The following OSBP2 variants were observed in gnomAD, a reference collection of about 807,000 sequenced individuals.
The protein encoded by OSBP2 is oxysterol-binding protein 2.
In OSBP2, 66 loss-of-function variants were observed where a neutral mutation model predicts 96.0. That is an observed-to-expected ratio of 0.69 (90% CI 0.56 to 0.84). OSBP2 has a LOEUF of 0.84. Ranked by LOEUF, OSBP2 falls within the 40% of genes least tolerant of loss-of-function variation. OSBP2 has a pLI of 0.00. For missense variants in OSBP2, 1,038 were observed against 1,222.7 expected (o/e 0.85, Z 2.25); for synonymous variants, 525 against 520.9 (o/e 1.01, Z -0.11).
At chr22:30,872,728 CG>C (rs1211278000) in intron 3 of OSBP2, among the ~76,000 whole-genome samples, 31 of 152,202 alleles carry the variant, frequency 2.0e-4, no homozygotes, top group Non-Finnish European at 1.5e-5. Flanking sequence ...AGTGCTGCCC[CG>C]ACAGACTGTG....
At chr22:30,839,144 C>T (rs1284287033) in intron 2 of OSBP2, among the ~76,000 whole-genome samples, 1 of 144,984 alleles carries the variant, frequency 6.9e-6, no homozygotes, top group Non-Finnish European at 1.5e-5. Context: ...TGATGATTTC[C>T]AATTTCATCC....
chr22:30,840,209 TA>T (rs145829486), intron 2 of OSBP2, among the ~76,000 whole-genome samples: 26,660 of 126,144 alleles, frequency 0.21, 2,562 homozygotes, highest in East Asian at 0.35. Flanking sequence ...TCAAGTGTAA[TA>T]AAAAAAAAAA....
chr22:30,833,272 C>T (rs2038567784), intron 2 of OSBP2, among the ~76,000 whole-genome samples: 1 of 152,178 alleles, frequency 6.6e-6, no homozygotes, highest in African/African-American at 2.4e-5. Context: ...CAAATCATCA[C>T]CGTTTGGCTG....
At chr22:30,756,035 C>T (rs1211587387) in intron 2 of OSBP2, among the ~76,000 whole-genome samples, 1 of 152,182 alleles carries the variant, frequency 6.6e-6, no homozygotes, top group African/African-American at 2.4e-5. Context: ...TCCACCTCTG[C>T]CCCCACATGG....
chr22:30,694,039 G>A (rs2088972904), upstream of OSBP2: 1 of 1,547,102 alleles, frequency 6.5e-7, no homozygotes, highest in South Asian at 1.2e-5. Flanking sequence ...AGCCTCCTTT[G>A]TTATGGACCT....
At chr22:30,722,217 T>C (rs2145705489) in intron 1 of OSBP2, among the ~76,000 whole-genome samples, 1 of 152,354 alleles carries the variant, frequency 6.6e-6, no homozygotes, top group South Asian at 2.1e-4. Context: ...AGTCATTCAG[T>C]GCTGCTGTTT....
chr22:30,889,350 G>A (rs1226110494), intron 6 of OSBP2, 116 bp downstream of exon 6: 2 of 1,417,086 alleles, frequency 1.4e-6, no homozygotes, highest in Non-Finnish European at 2.0e-6. Context: ...CCCAGTCCAG[G>A]AGCACCATCC....
chr22:30,712,205 C>T (rs1311764035), intron 1 of OSBP2, among the ~76,000 whole-genome samples: 1 of 152,188 alleles, frequency 6.6e-6, no homozygotes, highest in African/African-American at 2.4e-5. Flanking sequence ...CCCTCCTCCT[C>T]TTTCTTCTCC....
chr22:30,825,802 G>A (rs1041285324), intron 2 of OSBP2, among the ~76,000 whole-genome samples: 9 of 152,062 alleles, frequency 5.9e-5, no homozygotes, highest in East Asian at 1.9e-4. Flanking sequence ...TCTCGTCTGC[G>A]GCCTCAAAGC....
intron 4 of OSBP2, among the ~76,000 whole-genome samples, chr22:30,887,935 G>C (rs2039852595): frequency 6.6e-6 from 1 of 152,204 alleles, no homozygotes; most frequent in Non-Finnish European, 1.5e-5. Flanking sequence ...CCCTGGACAG[G>C]GGTCCATCAG....
Position 30,870,777 on chromosome 22 carries a change from G to C in OSBP2, c.1107+95G>C. ...ACCAGGGTCAGCTTGAAGGGTCAGCGTTCCATTTCCTGCGGTTCCACGGTG... is the reference window on the plus strand; with the variant it reads ...ACCAGGGTCAGCTTGAAGGGTCAGCCTTCCATTTCCTGCGGTTCCACGGTG... On this transcript the variant is annotated intron_variant, in intron 3 of 13. Transcript: ENST00000332585. The surrounding 1 kb of genome is among the most constrained non-coding windows in gnomAD (Gnocchi z 4.1). 1 of 1,336,712 alleles carries C rather than the reference G, an allele frequency of 7.5e-7. No individual in the cohort carries two copies. The highest frequency in any genetic ancestry group is 1.3e-5 in the South Asian group (1 of 74,476). 82.8% of individuals were successfully genotyped at this position (1,336,712 alleles called of 1,614,324 possible).
chr22:30,853,908 C>T (rs997560539), intron 2 of OSBP2, among the ~76,000 whole-genome samples: 4 of 152,088 alleles, frequency 2.6e-5, no homozygotes, highest in South Asian at 2.1e-4. Context: ...TACAGGCGCC[C>T]GCCACCATGC....
At chr22:30,777,179 C>T (rs1384249123) in intron 2 of OSBP2, among the ~76,000 whole-genome samples, 2 of 152,002 alleles carry the variant, frequency 1.3e-5, no homozygotes, top group East Asian at 3.8e-4. Context: ...GTTGGGAAGG[C>T]TCGATTGGTT....
intron 2 of OSBP2, among the ~76,000 whole-genome samples, chr22:30,796,544 C>T (rs554794414): frequency 6.6e-6 from 1 of 151,976 alleles, no homozygotes; most frequent in South Asian, 2.1e-4. Flanking sequence ...CTTACTCTGT[C>T]GCCCAGGCTG....
intron 1 of OSBP2, among the ~76,000 whole-genome samples, chr22:30,730,176 T>C (rs893398933): frequency 6.6e-6 from 1 of 152,140 alleles, no homozygotes; most frequent in Non-Finnish European, 1.5e-5. Flanking sequence ...TTTCCCAGGC[T>C]AGTCTCAAAC....
intron 2 of OSBP2, among the ~76,000 whole-genome samples, chr22:30,858,029 GA>G (rs2147077642): frequency 6.6e-6 from 1 of 152,318 alleles, no homozygotes; most frequent in African/African-American, 2.4e-5. Flanking sequence ...GGGGGAAAGA[GA>G]GGATCTTTGC....
chr22:30,722,128 C>G (rs1361404551), intron 1 of OSBP2, among the ~76,000 whole-genome samples: 2 of 152,200 alleles, frequency 1.3e-5, no homozygotes, highest in Non-Finnish European at 2.9e-5. Context: ...CTCCCAGCTT[C>G]TTGTCTTGAG....
chr22:30,902,008 TTGAA>T (rs1469135612), intron 12 of OSBP2, among the ~76,000 whole-genome samples: 1 of 151,774 alleles, frequency 6.6e-6, no homozygotes, highest in African/African-American at 2.4e-5. Context: ...CACAAATTTA[TTGAA>T]TGAATAACTG....
chr22:30,885,033 C>T (rs550177994), intron 3 of OSBP2, among the ~76,000 whole-genome samples: 1 of 152,132 alleles, frequency 6.6e-6, no homozygotes, highest in Admixed American at 6.5e-5. Flanking sequence ...AGGGCAGATG[C>T]GGGAGGGGAT....
Sources: gnomAD v4.1 joint callset for allele counts (sites outside exome capture counted in the v4.1 genomes callset) on GRCh38, gnomAD v4.1.1 for gene constraint, Gnocchi (gnomAD v3.1) non-coding constraint, MANE v1.5 for transcripts, NCBI Gene and HGNC (gene_info 2026-07-23, HGNC 2026-07-21) for gene names.